Variants in KLF12 observed in about 807,000 individuals in gnomAD.
The protein encoded by KLF12 is Krueppel-like factor 12.
A neutral mutation model predicts 37.8 loss-of-function variants in KLF12; 9 were observed. That is an observed-to-expected ratio of 0.24 (90% confidence interval 0.14 to 0.42). The LOEUF is 0.42. KLF12 is among the 10% of genes least tolerant of loss of function. KLF12 has a pLI of 1.00. For missense variants in KLF12, 411 were observed against 516.0 expected, an observed-to-expected ratio of 0.80 and a Z score of 1.97; for synonymous variants, 208 against 202.1, an observed-to-expected ratio of 1.03 and a Z score of -0.25.
At chr13:73,889,573 C>T (rs966902853) in intron 3 of KLF12, among the ~76,000 whole-genome samples, 7 of 152,104 alleles carry the variant, frequency 4.6e-5, no homozygotes, top group African/African-American at 1.7e-4. Flanking sequence ...GACTTTAATA[C>T]CTGACTGCTA....
intron 1 of KLF12, among the ~76,000 whole-genome samples, chr13:74,037,261 A>AAAACATAC (rs1566513261): frequency 6.6e-6 from 1 of 152,184 alleles, no homozygotes. Flanking sequence ...TCCTGAAAGA[A>AAAACATAC]AAACATACAA....
intron 1 of KLF12, among the ~76,000 whole-genome samples, chr13:74,132,205 A>T (rs1274407046): frequency 6.6e-6 from 1 of 152,218 alleles, no homozygotes; most frequent in African/African-American, 2.4e-5. Context: ...CCCACTCCTC[A>T]AAGTGACCAC....
chr13:73,995,143 T>C (rs1195570531), intron 1 of KLF12, 90 bp from the exon 2 acceptor site: 2 of 779,910 alleles, frequency 2.6e-6, no homozygotes, highest in East Asian at 2.5e-5. Flanking sequence ...ATCTTAATTC[T>C]ACAGTTCCTT....
intron 3 of KLF12, among the ~76,000 whole-genome samples, chr13:73,934,008 C>T (rs117792279): frequency 0.025 from 3,784 of 152,214 alleles, 73 homozygotes; most frequent in Non-Finnish European, 0.041. Context: ...ATTTCCCTCT[C>T]CCCCAACACC....
the KLF12 span, among the ~76,000 whole-genome samples, chr13:74,162,717 A>G: frequency 6.6e-6 from 1 of 152,162 alleles, no homozygotes; most frequent in Non-Finnish European, 1.5e-5. Context: ...TTGTGGGTCA[A>G]CTGTGAAATG....
chr13:73,742,677 C>T (rs1386731465), intron 6 of KLF12, among the ~76,000 whole-genome samples: 1 of 152,040 alleles, frequency 6.6e-6, no homozygotes. Context: ...ATTATCATCC[C>T]CATTTTACAG....
At chr13:73,906,057 A>T (rs1243691794) in intron 3 of KLF12, among the ~76,000 whole-genome samples, 2 of 152,114 alleles carry the variant, frequency 1.3e-5, no homozygotes, top group African/African-American at 4.8e-5. Context: ...TTACTCCTGT[A>T]TCATTCATCC....
the KLF12 span, among the ~76,000 whole-genome samples, chr13:74,194,940 G>T: frequency 1.3e-5 from 2 of 152,126 alleles, no homozygotes; most frequent in African/African-American, 4.8e-5. Flanking sequence ...GCTTTCTCTA[G>T]AGCAACTCTT....
chr13:74,079,191 G>A (rs139783727), intron 1 of KLF12, among the ~76,000 whole-genome samples: 293 of 141,380 alleles, frequency 2.1e-3, no homozygotes, highest in African/African-American at 4.6e-3. Context: ...AGTCAAATTC[G>A]TAGAGACACA....
intron 1 of KLF12, among the ~76,000 whole-genome samples, chr13:74,044,177 A>G (rs1381656459): frequency 6.6e-6 from 1 of 152,182 alleles, no homozygotes. Context: ...AGCTACCCAG[A>G]AACAAGACCC....
At chr13:74,021,129 C>T (rs1012685871) in intron 1 of KLF12, among the ~76,000 whole-genome samples, 19 of 151,822 alleles carry the variant, frequency 1.3e-4, no homozygotes, top group African/African-American at 2.9e-4. Flanking sequence ...AAAAAGGAGA[C>T]GTCAAAAGAA....
At chr13:74,143,027 C>T in the KLF12 span, among the ~76,000 whole-genome samples, 1 of 150,304 alleles carries the variant, frequency 6.7e-6, no homozygotes, top group African/African-American at 2.4e-5. Context: ...TCCCTCCCTC[C>T]TTCCTTCCCT....
At chr13:73,812,114 T>C (rs991088068) in intron 5 of KLF12, among the ~76,000 whole-genome samples, 8 of 149,890 alleles carry the variant, frequency 5.3e-5, no homozygotes, top group Admixed American at 1.3e-4. Flanking sequence ...AAGATTATGT[T>C]ACTAAAAATT....
intron 1 of KLF12, among the ~76,000 whole-genome samples, chr13:73,995,955 G>A (rs546637910): frequency 3.3e-5 from 5 of 152,280 alleles, no homozygotes; most frequent in African/African-American, 9.6e-5. Context: ...ACACCCTGGA[G>A]TTCTCAGCAG....
the KLF12 span, among the ~76,000 whole-genome samples, chr13:74,282,325 A>G: frequency 6.6e-6 from 1 of 152,240 alleles, no homozygotes; most frequent in South Asian, 2.1e-4. Context: ...TATGTGATTA[A>G]GATGATGCCT....
At chr13:74,084,147 G>A (rs116377279) in intron 1 of KLF12, among the ~76,000 whole-genome samples, 340 of 152,216 alleles carry the variant, frequency 2.2e-3, no homozygotes, top group African/African-American at 7.7e-3. Context: ...TGGATATTAC[G>A]TCTCATAACC....
chr13:74,031,688 T>C (rs368153298), intron 1 of KLF12, among the ~76,000 whole-genome samples: 1 of 152,096 alleles, frequency 6.6e-6, no homozygotes. Context: ...AAATAGTTAA[T>C]ATCATGATAG....
At chr13:74,037,765 G>A (rs968101873) in intron 1 of KLF12, among the ~76,000 whole-genome samples, 1 of 152,150 alleles carries the variant, frequency 6.6e-6, no homozygotes, top group Non-Finnish European at 1.5e-5. Flanking sequence ...CAGAAAATGT[G>A]TAAACTGATC....
At chr13:74,173,394 A>G in the KLF12 span, among the ~76,000 whole-genome samples, 2 of 152,138 alleles carry the variant, frequency 1.3e-5, no homozygotes, top group African/African-American at 4.8e-5. Context: ...CACCTTTCCC[A>G]GCCCTTCTTG....
Sources: gnomAD v4.1 joint callset for allele counts (sites outside exome capture counted in the v4.1 genomes callset) on GRCh38, gnomAD v4.1.1 for gene constraint, MANE v1.5 for transcripts, NCBI Gene and HGNC (gene_info 2026-07-23, HGNC 2026-07-21) for gene names.